The following PDE8B variants were observed in gnomAD, a reference collection of about 807,000 sequenced individuals.
PDE8B encodes the protein high affinity cAMP-specific and IBMX-insensitive 3',5'-cyclic phosphodiesterase 8B.
In PDE8B, 26 loss-of-function variants were observed where a neutral mutation model predicts 101.3. The ratio of observed to expected loss-of-function variants is 0.26; its 90% CI spans 0.19 to 0.36. PDE8B has a LOEUF of 0.36. Ranked by LOEUF, PDE8B falls within the 10% of genes least tolerant of loss-of-function variation. PDE8B has a pLI of 1.00. For missense variants in PDE8B, 810 were observed against 1,163.1 expected, an observed-to-expected ratio of 0.70 and a Z score of 4.42; for synonymous variants, 424 against 429.3, an observed-to-expected ratio of 0.99 and a Z score of 0.15.
rs531807068 is a variant in PDE8B, at chr5:77,389,420, A to G, written c.1168-10828A>G. On this transcript the variant is annotated intron_variant, in intron 10 of 21. Coordinates refer to ENST00000264917, the MANE Select transcript of PDE8B (RefSeq NM_003719.5). ...TGCACCCACTGCCCAACCAGTCCCA[A>G]TGAGATGAACCCCGGGTACCTCAGT... is the stretch of plus-strand genomic sequence containing the variant. 4.6e-5 allele frequency among the ~76,000 whole-genome samples: 7 copies of G among 152,236 alleles called. No individual in the cohort carries two copies. In the East Asian group the frequency reaches 5.8e-4, roughly 13 times the overall value.
Position 77,211,421 on chromosome 5 carries a change from T to C in PDE8B, c.339+157T>C, listed in dbSNP as rs942515554. Among the ~76,000 whole-genome samples, 2 of 152,120 alleles carry C rather than the reference T, an allele frequency of 1.3e-5. No individual in the cohort carries two copies. The highest frequency in any genetic ancestry group is 2.4e-5 in the African/African-American group (1 of 41,412). On this transcript the variant is annotated intron_variant, in intron 1 of 21. Coordinates refer to ENST00000264917, the MANE Select transcript of PDE8B (RefSeq NM_003719.5). The surrounding 1 kb of genome is among the most constrained non-coding windows in gnomAD (Gnocchi z 4.1). ...GTTTACTTTTCATTTGTGGAGATGA[T>C]GGGAGCCCAGGAAATGTGGTCAGAA... is the stretch of plus-strand genomic sequence containing the variant.
chr5:77,315,956 G>A (rs1244245942), intron 2 of PDE8B, among the ~76,000 whole-genome samples: 1 of 151,158 alleles, frequency 6.6e-6, no homozygotes, highest in South Asian at 2.1e-4. Context: ...ATTTTGAGTA[G>A]CCTCTTTTAA....
intron 1 of PDE8B, among the ~76,000 whole-genome samples, chr5:77,302,509 C>T (rs963518767): frequency 3.3e-5 from 5 of 152,174 alleles, no homozygotes; most frequent in African/African-American, 4.8e-5. Context: ...CCCACTGCAG[C>T]GGGAGCGGGT....
At chr5:77,254,782 T>C (rs1434923101) in intron 1 of PDE8B, among the ~76,000 whole-genome samples, 1 of 152,242 alleles carries the variant, frequency 6.6e-6, no homozygotes, top group Non-Finnish European at 1.5e-5. Context: ...ATGTCTTATG[T>C]TTTCCTGGAT....
chr5:77,364,177 A>G (rs151185707), intron 10 of PDE8B, among the ~76,000 whole-genome samples: 3,240 of 152,296 alleles, frequency 0.021, 50 homozygotes, highest in Middle Eastern at 0.041. Flanking sequence ...AGGAGTGGGC[A>G]AGGTTGGGCA....
At chr5:77,323,579 G>T (rs1004697150) in intron 2 of PDE8B, among the ~76,000 whole-genome samples, 1 of 152,156 alleles carries the variant, frequency 6.6e-6, no homozygotes, top group Admixed American at 6.5e-5. Flanking sequence ...CTAGGAGTTG[G>T]TTATTGCTGA....
At chr5:77,291,659 T>C in intron 1 of PDE8B, 3 of 1,596,520 alleles carry the variant, frequency 1.9e-6, no homozygotes, top group East Asian at 4.5e-5. Flanking sequence ...GGGCTGAGAT[T>C]GGAGGTGCCT....
chr5:77,427,337 G>A lies in PDE8B; in HGVS notation c.*783G>A, dbSNP rs900153815. 5.9e-5 allele frequency: 9 copies of A among 151,292 alleles called. No homozygotes were observed. The highest frequency in any genetic ancestry group is 4.2e-4 in the South Asian group (2 of 4,762). The allele number at this position is 151,292 out of a possible 1,614,324, so 9.4% of individuals were successfully genotyped here. A position where few individuals can be genotyped will look rare whatever the true frequency, so the allele number is the denominator to read the frequency against. On this transcript the variant is annotated 3_prime_UTR_variant, in exon 22 of 22. Transcript: ENST00000264917. ...ATTTCTGGCTCACAGAGGCAGCCACGAGGCACTACACCAAGTATTATATAA... is the reference window on the plus strand; with the variant it reads ...ATTTCTGGCTCACAGAGGCAGCCACAAGGCACTACACCAAGTATTATATAA...
the PDE8B span, among the ~76,000 whole-genome samples, chr5:77,120,222 T>A: frequency 6.6e-6 from 1 of 152,216 alleles, no homozygotes; most frequent in African/African-American, 2.4e-5. Context: ...GCAGAACTAA[T>A]CTGCAATGAA....
intron 1 of PDE8B, among the ~76,000 whole-genome samples, chr5:77,276,728 A>C (rs758121920): frequency 6.6e-6 from 1 of 152,210 alleles, no homozygotes; most frequent in Non-Finnish European, 1.5e-5. Context: ...TTAAAAGTAA[A>C]TATTGGCTAT....
At chr5:77,371,161 G>A (rs1021367116) in intron 10 of PDE8B, among the ~76,000 whole-genome samples, 5 of 152,146 alleles carry the variant, frequency 3.3e-5, no homozygotes, top group South Asian at 4.1e-4. Flanking sequence ...TTTTATGTTC[G>A]TTGTTTTCTG....
At chr5:77,178,571 C>A in the PDE8B span, among the ~76,000 whole-genome samples, 7 of 152,146 alleles carry the variant, frequency 4.6e-5, no homozygotes, top group African/African-American at 1.7e-4. Flanking sequence ...CCTCACTTTT[C>A]CTTCTGTGGA....
At chr5:77,139,552 C>T in the PDE8B span, 1 of 152,192 alleles carries the variant, frequency 6.6e-6, no homozygotes, top group Non-Finnish European at 1.5e-5. Flanking sequence ...TACTTCTTTC[C>T]CATTTTCTAT....
the PDE8B span, among the ~76,000 whole-genome samples, chr5:77,129,556 G>T: frequency 4.0e-4 from 61 of 152,308 alleles, no homozygotes; most frequent in African/African-American, 1.4e-3. Context: ...TAACCAGAGG[G>T]TATCAGGGCC....
chr5:77,272,803 C>A lies in PDE8B; in HGVS notation c.340-39191C>A, dbSNP rs139484848. Among the ~76,000 whole-genome samples, 337 of 152,148 alleles carry A rather than the reference C, an allele frequency of 2.2e-3. 3 individuals are homozygous for A. Among genetic ancestry groups the A allele is most frequent in the African/African-American group, 7.7e-3 (321 of 41,504 alleles). ...AAATAACCGAAGGTCCTAGCAAGAG[C>A]CATATGGAAGTGGTCAACTAGGAGG... is the stretch of plus-strand genomic sequence containing the variant. On this transcript the variant is annotated intron_variant, in intron 1 of 21. Transcript: ENST00000264917.
In PDE8B at chr5:77,425,800, G is replaced by A. The variant is rs1027768095; in HGVS notation, c.2452G>A (p.Val818Met). 3 of 1,612,994 alleles carry A rather than the reference G, an allele frequency of 1.9e-6. No individual in the cohort carries two copies. Among genetic ancestry groups the A allele is most frequent in the Admixed American group, 3.3e-5 (2 of 60,020 alleles). Reference sequence around the variant, plus strand: ...AGAGAAGAGACAGGGACTACCTGTGGTGATGCCAGTGTTTGACCGGAATAC... The same window carrying A: ...AGAGAAGAGACAGGGACTACCTGTGATGATGCCAGTGTTTGACCGGAATAC... ...DEEKRQGLPV[V>M]MPVFDRNTCS... The change falls in exon 21 of 22, where the codon GTG (valine) becomes ATG (methionine). Residue 818 changes from valine to methionine, a missense_variant. Transcript: ENST00000264917.
intron 19 of PDE8B, 125 bp from the exon 20 acceptor site, chr5:77,421,696 C>G: frequency 1.2e-6 from 1 of 823,824 alleles, no homozygotes; most frequent in East Asian, 2.6e-5. Context: ...AAAGGAAAAG[C>G]TGCCTTCGCC....
the PDE8B span, among the ~76,000 whole-genome samples, chr5:77,182,136 G>C: frequency 7.2e-5 from 11 of 152,032 alleles, no homozygotes; most frequent in African/African-American, 2.4e-4. Context: ...CCTGGCCTCA[G>C]CTGCCAGGAA....
At chr5:77,261,367 A>T (rs190922282) in intron 1 of PDE8B, among the ~76,000 whole-genome samples, 1 of 152,288 alleles carries the variant, frequency 6.6e-6, no homozygotes, top group East Asian at 1.9e-4. Flanking sequence ...GTGGAAGTTA[A>T]AGGGTTAAGT....
Sources: allele counts gnomAD v4.1 joint callset (sites outside exome capture counted in the v4.1 genomes callset), GRCh38; gene constraint gnomAD v4.1.1; non-coding constraint Gnocchi (gnomAD v3.1); transcripts MANE v1.5; gene names NCBI Gene and HGNC (gene_info 2026-07-23, HGNC 2026-07-21).